The following ST8SIA2 variants were observed in gnomAD, a reference collection of about 807,000 sequenced individuals.
The protein encoded by ST8SIA2 is ST8 alpha-N-acetyl-neuraminide alpha-2,8-sialyltransferase 2, also known as alpha-2,8-sialyltransferase 8B.
Under a neutral mutation model 37.6 loss-of-function variants are expected in ST8SIA2, and 22 were observed. The ratio of observed to expected loss-of-function variants is 0.58; its 90% confidence interval spans 0.42 to 0.83. ST8SIA2 has a LOEUF of 0.83. Among genes scored for constraint, ST8SIA2 ranks in the 40% least tolerant of loss-of-function variants. The pLI is 0.00. For missense variants in ST8SIA2, 382 were observed against 484.7 expected, an observed-to-expected ratio of 0.79 and a Z score of 1.99; for synonymous variants, 205 against 201.2, an observed-to-expected ratio of 1.02 and a Z score of -0.16.
Position 92,423,932 on chromosome 15 carries a change from G to C in ST8SIA2, c.99-6117G>C, listed in dbSNP as rs542494838. On this transcript the variant is annotated intron_variant, in intron 1 of 5. Transcript: ENST00000268164. ...GCCTTCGACCACTGTTGACAGCCCT[G>C]GTTGTAGTCATGTGACTGACCCCAA... is the stretch of plus-strand genomic sequence containing the variant. Among the ~76,000 whole-genome samples the C allele has an allele frequency of 5.9e-5, 9 of 152,330 alleles. No homozygotes were observed. The South Asian group carries it at 1.9e-3, about 32-fold the overall frequency.
intron 5 of ST8SIA2, among the ~76,000 whole-genome samples, chr15:92,447,937 G>A (rs1473271648): frequency 6.6e-6 from 1 of 152,182 alleles, no homozygotes; most frequent in Non-Finnish European, 1.5e-5. Context: ...CTAGAAGGAG[G>A]AAACTCTTGA....
chr15:92,400,278 T>A (rs1430645111), intron 1 of ST8SIA2, among the ~76,000 whole-genome samples: 1 of 152,206 alleles, frequency 6.6e-6, no homozygotes, highest in Admixed American at 6.5e-5. Context: ...TGGACATGCA[T>A]TTCACAATTA....
intron 1 of ST8SIA2, among the ~76,000 whole-genome samples, chr15:92,394,787 C>T (rs2049417966): frequency 6.6e-6 from 1 of 152,196 alleles, no homozygotes; most frequent in Non-Finnish European, 1.5e-5. Flanking sequence ...AGACCCCCCG[C>T]CCTCGCCTGG....
chr15:92,430,960 G>A (rs1398333852), intron 2 of ST8SIA2, among the ~76,000 whole-genome samples: 3 of 152,030 alleles, frequency 2.0e-5, no homozygotes, highest in Admixed American at 1.3e-4. Flanking sequence ...TCTCTTTTCT[G>A]TATGAGACCT....
In ST8SIA2 at chr15:92,441,679, C is replaced by T. The variant is rs563087033; in HGVS notation, c.549-2957C>T. 3.9e-5 allele frequency among the ~76,000 whole-genome samples: 6 copies of T among 152,100 alleles called. No homozygotes were observed. In the East Asian group the frequency reaches 7.7e-4, roughly 20 times the overall value. On this transcript the variant is annotated intron_variant, in intron 4 of 5. Coordinates refer to ENST00000268164, the MANE Select transcript of ST8SIA2 (RefSeq NM_006011.4). ...ATGCCCTTCCATGGATAAACCACAT[C>T]ATCATCACTGTTATCCCTTACCATT...
rs191763361 is a variant in ST8SIA2, at chr15:92,415,898, G to A, written c.99-14151G>A. ...AACTGAGTCACGCATTCCAGAAACTGCCCCTTGGTAGGAGGTGGATGTGTG... is the reference window on the plus strand; with the variant it reads ...AACTGAGTCACGCATTCCAGAAACTACCCCTTGGTAGGAGGTGGATGTGTG... On this transcript the variant is annotated intron_variant, in intron 1 of 5. Coordinates refer to ENST00000268164, the MANE Select transcript of ST8SIA2 (RefSeq NM_006011.4). 5.2e-3 allele frequency among the ~76,000 whole-genome samples: 785 copies of A among 152,254 alleles called. 7 individuals are homozygous for A. The highest frequency in any genetic ancestry group is 0.017 in the African/African-American group (709 of 41,546).
rs145750114 is a variant in ST8SIA2 at position 92,427,019 on chromosome 15, A to G, written c.99-3030A>G. 8.1e-3 allele frequency among the ~76,000 whole-genome samples: 1,227 copies of G among 152,278 alleles called. 9 individuals carry two copies. The highest frequency in any genetic ancestry group is 0.028 in the African/African-American group (1,150 of 41,552). On this transcript the variant is annotated intron_variant, in intron 1 of 5. Transcript: ENST00000268164. ...TGAAGCAGGAGAATTGCTTGAACCC[A>G]GGAGGTGGAGGTTGTAGTGAGCCGA...
chr15:92,444,563 G>A, intron 4 of ST8SIA2, 73 bp from the exon 5 acceptor site: 3 of 1,594,634 alleles, frequency 1.9e-6, no homozygotes, highest in South Asian at 2.2e-5. Flanking sequence ...AGAGGCAAAG[G>A]ATGGGATCGA....
chr15:92,462,150 G>A (rs1208706073), intron 5 of ST8SIA2, among the ~76,000 whole-genome samples: 2 of 152,180 alleles, frequency 1.3e-5, no homozygotes, highest in African/African-American at 2.4e-5. Flanking sequence ...TGTTCACTCC[G>A]ATTCTGGCCA....
intron 5 of ST8SIA2, among the ~76,000 whole-genome samples, chr15:92,459,264 G>A (rs2049941314): frequency 6.6e-6 from 1 of 152,210 alleles, no homozygotes; most frequent in Non-Finnish European, 1.5e-5. Context: ...CACTTAGGAA[G>A]TAAACATCGG....
At chr15:92,424,040 CT>C (rs2049656216) in intron 1 of ST8SIA2, among the ~76,000 whole-genome samples, 2 of 152,120 alleles carry the variant, frequency 1.3e-5, no homozygotes, top group African/African-American at 4.8e-5. Context: ...ACCTCAGTGG[CT>C]TTAATGTGCA....
At chr15:92,420,156 C>T (rs2049622344) in intron 1 of ST8SIA2, among the ~76,000 whole-genome samples, 1 of 152,182 alleles carries the variant, frequency 6.6e-6, no homozygotes, top group Non-Finnish European at 1.5e-5. Context: ...TGAGCCACTG[C>T]ACCCAGCCAG....
At chr15:92,410,691 A>G (rs1480093557) in intron 1 of ST8SIA2, among the ~76,000 whole-genome samples, 3 of 152,230 alleles carry the variant, frequency 2.0e-5, no homozygotes, top group African/African-American at 4.8e-5. Context: ...TGAGAGTAGT[A>G]TATCAGCCTA....
intron 5 of ST8SIA2, among the ~76,000 whole-genome samples, chr15:92,461,138 C>T (rs892834694): frequency 1.2e-4 from 18 of 152,100 alleles, no homozygotes; most frequent in African/African-American, 3.4e-4. Flanking sequence ...CTGATCACAA[C>T]GCAGCCTCCT....
chr15:92,434,474 A>G, intron 3 of ST8SIA2, 99 bp downstream of exon 3: 1 of 1,563,944 alleles, frequency 6.4e-7, no homozygotes, highest in Non-Finnish European at 8.7e-7. Context: ...GGATAGAAAT[A>G]AAATGTTTAC....
intron 1 of ST8SIA2, among the ~76,000 whole-genome samples, chr15:92,405,649 AAGC>A (rs1451791489): frequency 2.0e-5 from 3 of 152,236 alleles, no homozygotes. Flanking sequence ...CAGGACCAAA[AAGC>A]AGATACAGGG....
At chr15:92,439,614 T>C (rs1230386010) in intron 4 of ST8SIA2, among the ~76,000 whole-genome samples, 3 of 152,300 alleles carry the variant, frequency 2.0e-5, no homozygotes, top group East Asian at 1.9e-4. Context: ...TCCCTAAACC[T>C]TGGGACATGG....
chr15:92,419,161 G>A (rs1054153016), intron 1 of ST8SIA2, among the ~76,000 whole-genome samples: 2 of 152,272 alleles, frequency 1.3e-5, no homozygotes, highest in South Asian at 2.1e-4. Flanking sequence ...ACACCGATGC[G>A]GTTCCAGCCA....
At chr15:92,444,539 A>C in intron 4 of ST8SIA2, 97 bp from the exon 5 acceptor site, 1 of 1,490,204 alleles carries the variant, frequency 6.7e-7, no homozygotes, top group South Asian at 1.2e-5. Context: ...TTTGGGGATG[A>C]GAAAGAAGCA....
Sources: allele counts gnomAD v4.1 joint callset (sites outside exome capture counted in the v4.1 genomes callset), GRCh38; gene constraint gnomAD v4.1.1; transcripts MANE v1.5; gene names NCBI Gene and HGNC (gene_info 2026-07-23, HGNC 2026-07-21).